TENM3: variants seen among roughly 807,000 people sequenced by gnomAD.
TENM3 encodes the protein teneurin-3.
A neutral mutation model predicts 255.1 loss-of-function variants in TENM3; 63 were observed. That is an observed-to-expected ratio of 0.25 (90% confidence interval 0.20 to 0.30). The LOEUF (loss-of-function observed/expected upper bound fraction) is 0.30. TENM3 is among the 10% of genes least tolerant of loss of function. The pLI is 1.00. For missense variants in TENM3, 2,929 were observed against 3,461.1 expected (o/e 0.85, Z 3.86); for synonymous variants, 1,306 against 1,322.3 (o/e 0.99, Z 0.27).
chr4:182,740,553 A>G (rs756710181), intron 18 of TENM3, among the ~76,000 whole-genome samples: 5 of 152,212 alleles, frequency 3.3e-5, no homozygotes, highest in Non-Finnish European at 5.9e-5. Context: ...TCTAGATGCC[A>G]TTTAGTTATG....
At chr4:181,796,518 G>A in the TENM3 span, among the ~76,000 whole-genome samples, 15 of 152,170 alleles carry the variant, frequency 9.9e-5, no homozygotes, top group Non-Finnish European at 1.8e-4. Context: ...TCAAGGCAGA[G>A]GGCGCAGCAC....
chr4:182,468,432 A>G (rs983700623), intron 3 of TENM3, among the ~76,000 whole-genome samples: 3 of 152,290 alleles, frequency 2.0e-5, no homozygotes, highest in East Asian at 3.9e-4. Context: ...TACCAACTAC[A>G]TGACTTGGGC....
At chr4:181,618,735 A>G in the TENM3 span, among the ~76,000 whole-genome samples, 1 of 152,214 alleles carries the variant, frequency 6.6e-6, no homozygotes, top group Non-Finnish European at 1.5e-5. Context: ...GTGTGTGGCT[A>G]CAATTTTTAC....
the TENM3 span, among the ~76,000 whole-genome samples, chr4:181,649,552 A>G: frequency 6.6e-6 from 1 of 152,190 alleles, no homozygotes; most frequent in Non-Finnish European, 1.5e-5. Flanking sequence ...AAAATCCTTC[A>G]GGAACTGCTA....
the TENM3 span, among the ~76,000 whole-genome samples, chr4:181,983,210 T>A: frequency 6.6e-5 from 10 of 152,292 alleles, no homozygotes; most frequent in East Asian, 1.7e-3. Flanking sequence ...GCGTAGGTAT[T>A]AATTTCTTTA....
At chr4:182,291,228 C>G (rs1761102532) in intron 1 of TENM3, among the ~76,000 whole-genome samples, 1 of 152,156 alleles carries the variant, frequency 6.6e-6, no homozygotes, top group Non-Finnish European at 1.5e-5. Context: ...TGGCTGGTCT[C>G]CGGCAGGCTT....
chr4:181,506,015 T>A, the TENM3 span, among the ~76,000 whole-genome samples: 1 of 152,174 alleles, frequency 6.6e-6, no homozygotes. Flanking sequence ...AATAGATTGA[T>A]AAAAAACGTT....
At chr4:182,015,594 T>A in the TENM3 span, among the ~76,000 whole-genome samples, 1 of 151,498 alleles carries the variant, frequency 6.6e-6, no homozygotes, top group Non-Finnish European at 1.5e-5. Flanking sequence ...AGGGTCTCAC[T>A]CTGTCGCCCA....
the TENM3 span, among the ~76,000 whole-genome samples, chr4:182,057,056 T>C: frequency 6.6e-6 from 1 of 151,514 alleles, no homozygotes; most frequent in Non-Finnish European, 1.5e-5. Flanking sequence ...GTGATAGCCA[T>C]CGTTGTCAAC....
the TENM3 span, among the ~76,000 whole-genome samples, chr4:181,787,778 C>T: frequency 4.7e-4 from 71 of 152,146 alleles, no homozygotes; most frequent in Non-Finnish European, 7.6e-4. Flanking sequence ...CCTTTTTGGG[C>T]CGAACCAACG....
At chr4:181,692,216 G>C in the TENM3 span, among the ~76,000 whole-genome samples, 1 of 152,112 alleles carries the variant, frequency 6.6e-6, no homozygotes, top group African/African-American at 2.4e-5. Flanking sequence ...AATCAACTTG[G>C]CAAATTTGGC....
At chr4:182,409,572 A>C (rs2151074123) in intron 3 of TENM3, among the ~76,000 whole-genome samples, 1 of 152,122 alleles carries the variant, frequency 6.6e-6, no homozygotes, top group Non-Finnish European at 1.5e-5. Context: ...CTCATTAATC[A>C]CTTCTGGTTC....
the TENM3 span, among the ~76,000 whole-genome samples, chr4:181,746,693 T>C: frequency 2.0e-5 from 3 of 152,096 alleles, no homozygotes; most frequent in Non-Finnish European, 4.4e-5. Flanking sequence ...CAGAAATCTA[T>C]TTGCCTCTCT....
the TENM3 span, among the ~76,000 whole-genome samples, chr4:182,129,869 G>A: frequency 2.0e-5 from 3 of 152,222 alleles, no homozygotes; most frequent in African/African-American, 7.2e-5. Flanking sequence ...TATAGTAGGA[G>A]AAAGAGATCT....
the TENM3 span, among the ~76,000 whole-genome samples, chr4:181,926,562 T>G: frequency 4.6e-5 from 7 of 151,952 alleles, no homozygotes; most frequent in African/African-American, 1.5e-4. Context: ...GTTTTTTGGG[T>G]TTTGGGGTTT....
chr4:182,796,500 G>C, intron 26 of TENM3, 137 bp from the exon 27 acceptor site: 1 of 802,160 alleles, frequency 1.2e-6, no homozygotes, highest in Non-Finnish European at 1.9e-6. Flanking sequence ...GTTTAGATTT[G>C]TAGGACGAAA....
intron 1 of TENM3, among the ~76,000 whole-genome samples, chr4:182,211,000 T>C (rs1754998051): frequency 6.6e-6 from 1 of 152,170 alleles, no homozygotes; most frequent in Non-Finnish European, 1.5e-5. Context: ...GAGTGATGTG[T>C]GGACTGGACA....
intron 3 of TENM3, among the ~76,000 whole-genome samples, chr4:182,466,192 A>C (rs1339393498): frequency 6.6e-6 from 1 of 152,162 alleles, no homozygotes; most frequent in Non-Finnish European, 1.5e-5. Context: ...GGCTCCCATA[A>C]TGAATTGCTC....
the TENM3 span, among the ~76,000 whole-genome samples, chr4:181,914,858 A>G: frequency 2.0e-5 from 3 of 152,328 alleles, no homozygotes; most frequent in Admixed American, 2.0e-4. Context: ...AAGTGAATTG[A>G]CAGTCATTGA....
Sources: gnomAD v4.1 joint callset for allele counts (sites outside exome capture counted in the v4.1 genomes callset) on GRCh38, gnomAD v4.1.1 for gene constraint, MANE v1.5 for transcripts, NCBI Gene and HGNC (gene_info 2026-07-23, HGNC 2026-07-21) for gene names.